Variants in TRMT11 observed in about 807,000 individuals in gnomAD.
TRMT11 encodes tRNA (guanine(10)-N(2))-methyltransferase TRMT11.
A neutral mutation model predicts 62.8 loss-of-function variants in TRMT11; 53 were observed. The observed-to-expected ratio is 0.84, with a 90% CI of 0.68 to 1.06. The LOEUF (loss-of-function observed/expected upper bound fraction) is 1.06, where lower values mean the gene tolerates loss of function less well. Among genes scored for constraint, TRMT11 ranks in the 50% least tolerant of loss-of-function variants. TRMT11 has a pLI of 0.00. For missense variants in TRMT11, 556 were observed against 553.4 expected (o/e 1.00, Z -0.05); for synonymous variants, 188 against 190.3 (o/e 0.99, Z 0.10).
At chr6:126,257,854 T>C in the TRMT11 span, 26 of 1,175,028 alleles carry the variant, frequency 2.2e-5, 1 homozygote, top group Middle Eastern at 2.8e-4. Context: ...CCGCTGGTAT[T>C]GCTCTTGCTA....
At chr6:126,159,225 C>T (rs934930176) in intron 21 of TRMT11, among the ~76,000 whole-genome samples, 2 of 151,874 alleles carry the variant, frequency 1.3e-5, no homozygotes, top group African/African-American at 4.8e-5. Context: ...CTGGTTTGTC[C>T]CCTCCAAACT....
At chr6:126,241,443 A>T in the TRMT11 span, among the ~76,000 whole-genome samples, 47 of 152,326 alleles carry the variant, frequency 3.1e-4, no homozygotes, top group African/African-American at 1.1e-3. Context: ...AACTCATTTT[A>T]TGAGGCCAGC....
intron 1 of TRMT11, among the ~76,000 whole-genome samples, chr6:125,988,809 T>C (rs1473231062): frequency 6.6e-6 from 1 of 152,184 alleles, no homozygotes; most frequent in Non-Finnish European, 1.5e-5. Context: ...TTTTCTTCAG[T>C]TGTGTTTAAC....
the TRMT11 span, among the ~76,000 whole-genome samples, chr6:126,210,293 G>A: frequency 2.6e-5 from 4 of 152,188 alleles, no homozygotes. Flanking sequence ...GTTCTAAAGA[G>A]GGTCACAGGG....
Position 125,993,792 on chromosome 6 carries a change from G to A in TRMT11, c.108G>A (p.Gln36=), listed in dbSNP as rs1490976671. The change falls in exon 2 of 13, where the codon CAG becomes CAA. Residue 36 remains glutamine (Q), a synonymous_variant. Transcript: ENST00000334379. The part of the protein sequence containing the change: ...IKSLLLLFGG[Q]FASSQETYGK... The stretch of plus-strand genomic sequence containing the variant: ...CTTTGCTTTTGCTTTTTGGAGGTCA[G>A]TTTGCCAGCAGTCAAGAAACTTATG... The A allele has an allele frequency of 6.2e-7, 1 of 1,610,962 alleles. No homozygotes were observed.
chr6:126,107,588 G>A (rs981425391), intron 17 of TRMT11, among the ~76,000 whole-genome samples: 7 of 152,192 alleles, frequency 4.6e-5, no homozygotes, highest in East Asian at 1.9e-4. Context: ...AGGCGAGTTT[G>A]TGGGCTGAGC....
chr6:126,247,779 A>C, the TRMT11 span, among the ~76,000 whole-genome samples: 1 of 151,956 alleles, frequency 6.6e-6, no homozygotes, highest in African/African-American at 2.4e-5. Flanking sequence ...GGGGAAAGCT[A>C]AGATCCTTCA....
At chr6:126,071,766 T>C (rs1315259250) in intron 17 of TRMT11, among the ~76,000 whole-genome samples, 4 of 152,020 alleles carry the variant, frequency 2.6e-5, no homozygotes, top group Non-Finnish European at 5.9e-5. Context: ...TGAATTGTAG[T>C]GTCAGAACAG....
the TRMT11 span, among the ~76,000 whole-genome samples, chr6:126,259,742 T>C: frequency 2.0e-5 from 3 of 152,220 alleles, no homozygotes; most frequent in African/African-American, 7.2e-5. Flanking sequence ...TTTATATATA[T>C]GGGTGCTCCA....
upstream of TRMT11, among the ~76,000 whole-genome samples, chr6:126,176,380 C>T (rs576831204): frequency 2.6e-5 from 4 of 151,724 alleles, 1 homozygote; most frequent in South Asian, 8.3e-4. Context: ...TTCAACCCAG[C>T]CATTATACAT....
the TRMT11 span, among the ~76,000 whole-genome samples, chr6:126,220,339 C>T: frequency 4.1e-4 from 62 of 152,316 alleles, no homozygotes; most frequent in East Asian, 7.9e-3. Flanking sequence ...GGAGAAGCAG[C>T]TTGCTTAAAA....
At position 126,104,643 on chromosome 6, in the gene TRMT11, T is replaced by C. The variant is rs78475922; in HGVS notation, c.*1438-8223T>C. Among the ~76,000 whole-genome samples, 525 of 152,348 alleles carry C rather than the reference T, an allele frequency of 3.4e-3. 22 individuals carry two copies. The East Asian group carries it at 0.094, about 27-fold the overall frequency. ...AAGGAAGGGTCTAAGAATTATTGCA[T>C]GACATTTAGGTTCTAATTCCATATA... On this transcript the variant is annotated intron_variant and NMD_transcript_variant, in intron 17 of 22. Coordinates refer to the TRMT11 transcript ENST00000648977.
downstream of TRMT11, among the ~76,000 whole-genome samples, chr6:126,206,646 T>C (rs1232341621): frequency 6.6e-6 from 1 of 152,218 alleles, no homozygotes; most frequent in African/African-American, 2.4e-5. Flanking sequence ...GTGCTGCTAG[T>C]TCAGAACTCA....
At chr6:126,034,256 G>A (rs1346950117) in intron 12 of TRMT11, among the ~76,000 whole-genome samples, 2 of 152,056 alleles carry the variant, frequency 1.3e-5, no homozygotes, top group Non-Finnish European at 2.9e-5. Flanking sequence ...GCCCCCTTGT[G>A]TCCCTATCTG....
chr6:126,056,545 C>T (rs1776380695), intron 17 of TRMT11, among the ~76,000 whole-genome samples: 1 of 152,112 alleles, frequency 6.6e-6, no homozygotes, highest in Non-Finnish European at 1.5e-5. Context: ...TCCTGATTGG[C>T]CACCTTTGGG....
intron 17 of TRMT11, among the ~76,000 whole-genome samples, chr6:126,062,843 TA>T (rs542711515): frequency 6.6e-5 from 10 of 152,184 alleles, no homozygotes; most frequent in Non-Finnish European, 1.5e-4. Context: ...TACTGCCTTA[TA>T]AAAAATAAAT....
intron 17 of TRMT11, among the ~76,000 whole-genome samples, chr6:126,062,346 A>G (rs930600394): frequency 2.0e-5 from 3 of 152,238 alleles, no homozygotes; most frequent in African/African-American, 7.2e-5. Flanking sequence ...TTGAATCACT[A>G]CAACTTTACA....
At chr6:126,220,895 G>A in the TRMT11 span, among the ~76,000 whole-genome samples, 3 of 151,958 alleles carry the variant, frequency 2.0e-5, no homozygotes, top group Admixed American at 6.5e-5. Flanking sequence ...GTAGTTTTTC[G>A]ATCCTTATTC....
chr6:126,213,029 T>G, the TRMT11 span, among the ~76,000 whole-genome samples: 1 of 152,132 alleles, frequency 6.6e-6, no homozygotes, highest in Admixed American at 6.5e-5. Context: ...AAAAACACTG[T>G]CCTATTCCCA....
Sources: allele counts gnomAD v4.1 joint callset (sites outside exome capture counted in the v4.1 genomes callset), GRCh38; gene constraint gnomAD v4.1.1; transcripts MANE v1.5; gene names NCBI Gene and HGNC (gene_info 2026-07-23, HGNC 2026-07-21).